USP54: variants seen among roughly 807,000 people sequenced by gnomAD.
USP54 encodes ubiquitin carboxyl-terminal hydrolase 54.
USP54 carries 87 observed loss-of-function variants against 170.5 expected under a neutral mutation model. The observed-to-expected ratio is 0.51, with a 90% CI of 0.43 to 0.61. USP54 has a LOEUF of 0.61. Ranked by LOEUF, USP54 falls within the 20% of genes least tolerant of loss-of-function variation. USP54 has a pLI of 0.00. For synonymous variants in USP54, 655 were observed against 742.8 expected (o/e 0.88, Z 1.92); for missense variants, 1,786 against 2,047.8 (o/e 0.87, Z 2.47).
chr10:73,517,842 C>T, intron 19 of USP54, 95 bp from the exon 20 acceptor site: 2 of 1,411,798 alleles, frequency 1.4e-6, no homozygotes, highest in Non-Finnish European at 1.9e-6. Flanking sequence ...TCTAGCTATT[C>T]ACACAGGGAA....
At chr10:73,522,466 G>T (rs1353728598) in intron 17 of USP54, among the ~76,000 whole-genome samples, 2 of 152,172 alleles carry the variant, frequency 1.3e-5, no homozygotes, top group Non-Finnish European at 2.9e-5. Flanking sequence ...ATAGAGAACT[G>T]ACAATGAAAT....
At chr10:73,594,503 C>T (rs1472197363), upstream of USP54, among the ~76,000 whole-genome samples, 1 of 152,092 alleles carries the variant, frequency 6.6e-6, no homozygotes, top group Non-Finnish European at 1.5e-5. Flanking sequence ...TTCCTGGGTT[C>T]ATGCAATCTT....
intron 4 of USP54, 34 bp downstream of exon 4, chr10:73,571,387 T>A: frequency 6.3e-7 from 1 of 1,582,168 alleles, no homozygotes; most frequent in Middle Eastern, 1.7e-4. Context: ...GGCCACCCAA[T>A]GGTAGTGAGA....
intron 16 of USP54, among the ~76,000 whole-genome samples, chr10:73,523,971 A>G (rs1411473251): frequency 2.0e-5 from 3 of 149,904 alleles, no homozygotes; most frequent in Admixed American, 6.7e-5. Flanking sequence ...GCAATGGCGC[A>G]ATCTTGGCTC....
At chr10:73,516,346 C>G (rs113407596) in intron 20 of USP54, 29 bp downstream of exon 20, 28 of 1,578,000 alleles carry the variant, frequency 1.8e-5, no homozygotes, top group African/African-American at 1.5e-4. Flanking sequence ...ATCCTCCCCC[C>G]TCCCCCCAAC....
chr10:73,534,219 T>C (rs951886129), intron 12 of USP54, among the ~76,000 whole-genome samples: 1 of 152,070 alleles, frequency 6.6e-6, no homozygotes, highest in African/African-American at 2.4e-5. Context: ...CCTTTTTTTT[T>C]TTTTTGAGAC....
intron 3 of USP54, among the ~76,000 whole-genome samples, chr10:73,573,662 G>A (rs2075633667): frequency 6.6e-6 from 1 of 152,194 alleles, no homozygotes; most frequent in South Asian, 2.1e-4. Flanking sequence ...CTACTCAGGA[G>A]GCTAAGGCAG....
Position 73,523,572 on chromosome 10 carries a change from A to T in USP54, c.2362+11T>A. ...CCCCATCACCCACAACCTAATGCTC[A>T]CAACAATTACCCTGATTCTGCAGTT... On this transcript the variant is annotated intron_variant, in intron 17 of 23. Transcript: ENST00000687698. The T allele has an allele frequency of 6.3e-7, 1 of 1,587,872 alleles. No individual in the cohort carries two copies. The highest frequency in any genetic ancestry group is 8.6e-7 in the Non-Finnish European group (1 of 1,162,078).
At chr10:73,521,988 G>T (rs1279461538) in intron 17 of USP54, among the ~76,000 whole-genome samples, 3 of 152,142 alleles carry the variant, frequency 2.0e-5, no homozygotes, top group Non-Finnish European at 4.4e-5. Flanking sequence ...AAATGGGATT[G>T]CCAGTGAGCC....
At chr10:73,588,348 A>G (rs1406566059) in intron 1 of USP54, among the ~76,000 whole-genome samples, 1 of 152,038 alleles carries the variant, frequency 6.6e-6, no homozygotes, top group East Asian at 1.9e-4. Context: ...GCCTCCATCC[A>G]TAGTGGCTGG....
Position 73,543,101 on chromosome 10 carries a change from T to A in USP54, c.406A>T (p.Ile136Phe). The change falls in exon 6 of 24, where the codon ATT becomes TTT. Residue 136 changes from isoleucine (I) to phenylalanine (F), a missense_variant. Physicochemically the swap from Ile to Phe is conservative, Grantham distance 21. Coordinates refer to ENST00000687698, the MANE Select transcript of USP54 (RefSeq NM_001391956.1). ...ENLLMRIHFH[I>F]ADETKEDICT... ...ATATCCTCTTTGGTTTCATCAGCAATGTGGAAGTGAATTCTCATCAGGAGG... is the reference window on the plus strand; with the variant it reads ...ATATCCTCTTTGGTTTCATCAGCAAAGTGGAAGTGAATTCTCATCAGGAGG... The A allele has an allele frequency of 6.2e-7, 1 of 1,614,094 alleles. No homozygotes were observed.
At chr10:73,592,115 A>G (rs1336702663), upstream of USP54, among the ~76,000 whole-genome samples, 1 of 152,084 alleles carries the variant, frequency 6.6e-6, no homozygotes, top group Admixed American at 6.6e-5. Flanking sequence ...ACCCCCAAAC[A>G]TGTGATCAGT....
At chr10:73,554,051 C>T (rs117247409) in intron 4 of USP54, among the ~76,000 whole-genome samples, 2,022 of 152,274 alleles carry the variant, frequency 0.013, 18 homozygotes, top group Non-Finnish European at 0.023. Context: ...GCAGCTGTTG[C>T]TTAAGTATTT....
chr10:73,506,805 C>T (rs2059208100), intron 20 of USP54: 3 of 152,022 alleles, frequency 2.0e-5, no homozygotes, highest in Non-Finnish European at 4.4e-5. Flanking sequence ...GGAAATGTTA[C>T]AGTCTTCCTA....
At chr10:73,599,474 T>C (rs914557292) in intron 1 of USP54, among the ~76,000 whole-genome samples, 3 of 152,196 alleles carry the variant, frequency 2.0e-5, no homozygotes, top group Non-Finnish European at 4.4e-5. Context: ...ATGTCTATGG[T>C]TTTCCAACTA....
At chr10:73,622,960 G>A (rs140195970) in intron 1 of USP54, among the ~76,000 whole-genome samples, 1 of 151,072 alleles carries the variant, frequency 6.6e-6, no homozygotes, top group Non-Finnish European at 1.5e-5. Flanking sequence ...AAAAAAAAGG[G>A]CTTAAATTAT....
At chr10:73,536,097 T>C (rs1451989660) in intron 11 of USP54, 172 bp downstream of exon 11, 2 of 847,920 alleles carry the variant, frequency 2.4e-6, no homozygotes, top group South Asian at 1.6e-5. Context: ...CTGAAGGAAA[T>C]AAAGGCTGGC....
upstream of USP54, among the ~76,000 whole-genome samples, chr10:73,591,742 C>T (rs2078269091): frequency 6.6e-6 from 1 of 152,024 alleles, no homozygotes; most frequent in Admixed American, 6.6e-5. Context: ...GGCCAGTCCC[C>T]CACAAAAAAA....
At chr10:73,539,700 C>A in intron 9 of USP54, 107 bp from the exon 10 acceptor site, 2 of 1,226,196 alleles carry the variant, frequency 1.6e-6, no homozygotes, top group South Asian at 4.2e-5. Flanking sequence ...TGACTTGCTT[C>A]TCTTCCCTTC....
Sources: allele counts gnomAD v4.1 joint callset (sites outside exome capture counted in the v4.1 genomes callset), GRCh38; gene constraint gnomAD v4.1.1; transcripts MANE v1.5; gene names NCBI Gene and HGNC (gene_info 2026-07-23, HGNC 2026-07-21).